KCNMB2: variants seen among roughly 807,000 people sequenced by gnomAD.
KCNMB2 encodes potassium calcium-activated channel subfamily M regulatory beta subunit 2, also known as calcium-activated potassium channel subunit beta-2.
Under a neutral mutation model 24.5 loss-of-function variants are expected in KCNMB2, and 9 were observed. That is an observed-to-expected ratio of 0.37 (90% CI 0.22 to 0.64). The LOEUF (loss-of-function observed/expected upper bound fraction) is 0.64, where lower values mean the gene tolerates loss of function less well. Among genes scored for constraint, KCNMB2 ranks in the 30% least tolerant of loss-of-function variants. KCNMB2 has a pLI of 0.63. For synonymous variants in KCNMB2, 109 were observed against 104.4 expected (o/e 1.04, Z -0.27); for missense variants, 226 against 284.3 (o/e 0.79, Z 1.47).
intron 1 of KCNMB2, among the ~76,000 whole-genome samples, chr3:178,794,929 T>C (rs971384814): frequency 6.6e-6 from 1 of 152,100 alleles, no homozygotes; most frequent in Non-Finnish European, 1.5e-5. Flanking sequence ...TGCCTGGCTA[T>C]TGTGGGAGAT....
chr3:178,803,368 G>C (rs1294025400), intron 1 of KCNMB2, among the ~76,000 whole-genome samples: 1 of 152,212 alleles, frequency 6.6e-6, no homozygotes, highest in African/African-American at 2.4e-5. Context: ...CTGGACAATT[G>C]AAAGAAGGAA....
chr3:178,759,509 A>ATATATC lies in KCNMB2; in HGVS notation c.-67-47833_-67-47832insATATCT, dbSNP rs1200301650. Among the ~76,000 whole-genome samples, 72 of 99,904 alleles carry ATATATC rather than the reference A, an allele frequency of 7.2e-4. 1 individual carries two copies. The highest frequency in any genetic ancestry group is 1.1e-3 in the Non-Finnish European group (56 of 50,342). 65.5% of individuals were successfully genotyped at this position (99,904 alleles called of 152,430 possible). The stretch of plus-strand genomic sequence containing the variant: ...TATATCTCCAAGAGGATATATATAT[A>ATATATC]TCTCTCCAAGAGGATATATATACAT... On this transcript the variant is annotated intron_variant, in intron 1 of 4. Transcript: ENST00000452583.
intron 1 of KCNMB2, among the ~76,000 whole-genome samples, chr3:178,579,018 G>A (rs1213687880): frequency 1.3e-5 from 2 of 152,140 alleles, no homozygotes; most frequent in Non-Finnish European, 2.9e-5. Context: ...TATGGACCAA[G>A]CAGACCTAAT....
At chr3:178,722,547 G>A (rs544091549) in intron 1 of KCNMB2, among the ~76,000 whole-genome samples, 4 of 152,162 alleles carry the variant, frequency 2.6e-5, no homozygotes, top group East Asian at 3.9e-4. Flanking sequence ...CAGAGATAAC[G>A]ACATTAATCT....
chr3:178,600,068 G>T (rs1185591481), intron 1 of KCNMB2, among the ~76,000 whole-genome samples: 5 of 152,100 alleles, frequency 3.3e-5, no homozygotes, highest in African/African-American at 1.2e-4. Flanking sequence ...AGTAGAGAAG[G>T]GGTTTCATCA....
intron 1 of KCNMB2, among the ~76,000 whole-genome samples, chr3:178,539,299 A>AT (rs1308493621): frequency 6.6e-6 from 1 of 152,218 alleles, no homozygotes; most frequent in East Asian, 1.9e-4. Context: ...TGTGTATATA[A>AT]TTTTGTTAAT....
At chr3:178,607,371 T>G (rs1718310731) in intron 1 of KCNMB2, among the ~76,000 whole-genome samples, 1 of 152,178 alleles carries the variant, frequency 6.6e-6, no homozygotes, top group Admixed American at 6.5e-5. Flanking sequence ...ATGGAGTATG[T>G]CAGTGGTCAT....
intron 1 of KCNMB2, among the ~76,000 whole-genome samples, chr3:178,554,939 G>A (rs1716074322): frequency 6.6e-6 from 1 of 152,212 alleles, no homozygotes; most frequent in African/African-American, 2.4e-5. Context: ...TCACAAGGCT[G>A]TCAAACTAAT....
At chr3:178,819,435 C>T (rs59302555) in intron 2 of KCNMB2, among the ~76,000 whole-genome samples, 3,880 of 152,158 alleles carry the variant, frequency 0.025, 153 homozygotes, top group African/African-American at 0.088. Flanking sequence ...CTCAATCTCT[C>T]CGCCCCTCTG....
At chr3:178,557,140 T>G (rs577697408) in intron 1 of KCNMB2, among the ~76,000 whole-genome samples, 7 of 152,332 alleles carry the variant, frequency 4.6e-5, no homozygotes, top group Admixed American at 2.0e-4. Flanking sequence ...AAAACTCACT[T>G]AGGACCCTTA....
chr3:178,641,974 A>C (rs1416709731), intron 1 of KCNMB2, among the ~76,000 whole-genome samples: 1 of 152,146 alleles, frequency 6.6e-6, no homozygotes, highest in Non-Finnish European at 1.5e-5. Flanking sequence ...TAGTTTCTAA[A>C]CTGGTATAAT....
intron 1 of KCNMB2, among the ~76,000 whole-genome samples, chr3:178,674,411 T>C (rs6775196): frequency 0.34 from 52,057 of 152,070 alleles, 9,936 homozygotes; most frequent in African/African-American, 0.52. Flanking sequence ...ACTCATGTCT[T>C]CACCATTAAT....
chr3:178,611,138 A>G (rs1294812735), intron 1 of KCNMB2, among the ~76,000 whole-genome samples: 1 of 152,028 alleles, frequency 6.6e-6, no homozygotes, highest in Non-Finnish European at 1.5e-5. Context: ...GAGACTTTTT[A>G]TTACAGCTTT....
At chr3:178,750,723 T>C (rs921610503) in intron 1 of KCNMB2, among the ~76,000 whole-genome samples, 2 of 152,182 alleles carry the variant, frequency 1.3e-5, no homozygotes, top group African/African-American at 4.8e-5. Context: ...TGGCACTGCT[T>C]TTCAGACAGT....
At chr3:178,730,375 C>T (rs1278537840) in intron 1 of KCNMB2, among the ~76,000 whole-genome samples, 2 of 69,112 alleles carry the variant, frequency 2.9e-5, no homozygotes, top group Non-Finnish European at 5.0e-5. Context: ...GAACTGCTTT[C>T]CTTTATCTTT....
chr3:178,605,648 C>T (rs1718245045), intron 1 of KCNMB2, among the ~76,000 whole-genome samples: 1 of 152,054 alleles, frequency 6.6e-6, no homozygotes, highest in African/African-American at 2.4e-5. Context: ...GACATATAAA[C>T]AGCAAAAGTC....
At position 178,550,780 on chromosome 3, in the gene KCNMB2, C is replaced by G. The variant is rs1251260803; in HGVS notation, c.-68+14069C>G. Reference sequence around the variant, plus strand: ...CATCTCGGTGCCTCAGTTTCCTCCTCTGTAAAATGGGATCTGAATACCGGC... The same window carrying G: ...CATCTCGGTGCCTCAGTTTCCTCCTGTGTAAAATGGGATCTGAATACCGGC... On this transcript the variant is annotated intron_variant, in intron 1 of 4. Transcript: ENST00000452583. 2.0e-5 allele frequency among the ~76,000 whole-genome samples: 3 copies of G among 152,206 alleles called. No homozygotes were observed. The East Asian group carries it at 5.8e-4, about 29-fold the overall frequency.
intron 2 of KCNMB2, among the ~76,000 whole-genome samples, chr3:178,812,959 T>C (rs1196269111): frequency 6.6e-6 from 1 of 152,178 alleles, no homozygotes; most frequent in Non-Finnish European, 1.5e-5. Context: ...AAGTAAGTTT[T>C]AAAATCAGGT....
At chr3:178,634,357 T>C (rs1477108190) in intron 1 of KCNMB2, among the ~76,000 whole-genome samples, 1 of 152,038 alleles carries the variant, frequency 6.6e-6, no homozygotes, top group Non-Finnish European at 1.5e-5. Flanking sequence ...AGGAAAGAGG[T>C]TTAATTGACT....
Sources: allele counts gnomAD v4.1 joint callset (sites outside exome capture counted in the v4.1 genomes callset), GRCh38; gene constraint gnomAD v4.1.1; transcripts MANE v1.5; gene names NCBI Gene and HGNC (gene_info 2026-07-23, HGNC 2026-07-21).